The following TBC1D15 variants were observed in gnomAD, a reference collection of about 807,000 sequenced individuals.
TBC1D15 encodes TBC1 domain family member 15, also known as GAP for RAB7.
Under a neutral mutation model 95.4 loss-of-function variants are expected in TBC1D15, and 39 were observed. The observed-to-expected ratio is 0.41, with a 90% CI of 0.32 to 0.53. The LOEUF (loss-of-function observed/expected upper bound fraction) is 0.53. TBC1D15 is among the 20% of genes least tolerant of loss of function. TBC1D15 has a pLI of 0.29. For missense variants in TBC1D15, 733 were observed against 794.3 expected, an observed-to-expected ratio of 0.92 and a Z score of 0.93; for synonymous variants, 258 against 261.3, an observed-to-expected ratio of 0.99 and a Z score of 0.12.
At chr12:71,911,356 A>G (rs1200371296) in intron 11 of TBC1D15, among the ~76,000 whole-genome samples, 1 of 152,098 alleles carries the variant, frequency 6.6e-6, no homozygotes, top group African/African-American at 2.4e-5. Flanking sequence ...CACAATAGCA[A>G]AGACTTGGAA....
chr12:71,897,194 A>G (rs1898363141), intron 9 of TBC1D15: 1 of 155,136 alleles, frequency 6.4e-6, no homozygotes, highest in African/African-American at 2.4e-5. Context: ...CTTTTCTGAT[A>G]CTCTTATAAT....
chr12:71,917,998 GA>G (rs1046085546), intron 13 of TBC1D15, among the ~76,000 whole-genome samples: 2 of 150,770 alleles, frequency 1.3e-5, no homozygotes, highest in South Asian at 2.1e-4. Context: ...TCTCTACAAG[GA>G]AAAAAAAATG....
intron 1 of TBC1D15, among the ~76,000 whole-genome samples, chr12:71,847,866 G>A (rs1886733845): frequency 6.6e-6 from 1 of 152,122 alleles, no homozygotes; most frequent in African/African-American, 2.4e-5. Context: ...GGGAGGCCGA[G>A]GTGGGTGGAT....
chr12:71,896,579 C>T (rs1249098997), intron 8 of TBC1D15, 98 bp from the exon 9 acceptor site: 2 of 932,254 alleles, frequency 2.1e-6, no homozygotes, highest in Non-Finnish European at 3.3e-6. Flanking sequence ...ATGAAACTAC[C>T]TCTTAAAGAT....
chr12:71,915,447 C>T (rs1288784127), intron 12 of TBC1D15, among the ~76,000 whole-genome samples: 1 of 77,928 alleles, frequency 1.3e-5, no homozygotes, highest in Admixed American at 1.3e-4. Context: ...AGTAGATATT[C>T]TAAAAAAAAA....
At chr12:71,877,619 T>C (rs1003032944) in intron 3 of TBC1D15, among the ~76,000 whole-genome samples, 2 of 151,758 alleles carry the variant, frequency 1.3e-5, no homozygotes, top group African/African-American at 4.8e-5. Flanking sequence ...TCTAGGAAAT[T>C]CACTTTTCTA....
chr12:71,888,119 C>T (rs974888299), intron 5 of TBC1D15, among the ~76,000 whole-genome samples: 2 of 152,092 alleles, frequency 1.3e-5, no homozygotes, highest in Admixed American at 6.6e-5. Context: ...GTGTGTTGTT[C>T]ATGTTTCGTG....
At chr12:71,886,280 T>C (rs1566012096) in intron 5 of TBC1D15, among the ~76,000 whole-genome samples, 1 of 152,170 alleles carries the variant, frequency 6.6e-6, no homozygotes, top group Non-Finnish European at 1.5e-5. Flanking sequence ...ACAGTTCTCC[T>C]ACCTTAGCCT....
chr12:71,910,259 CT>C (rs1424072309), intron 11 of TBC1D15, among the ~76,000 whole-genome samples: 1 of 151,802 alleles, frequency 6.6e-6, no homozygotes, highest in African/African-American at 2.4e-5. Flanking sequence ...GTTTTGGTTA[CT>C]GTAGCCTTGT....
intron 10 of TBC1D15, among the ~76,000 whole-genome samples, chr12:71,905,107 A>G (rs952500890): frequency 5.3e-5 from 8 of 152,172 alleles, no homozygotes; most frequent in African/African-American, 1.7e-4. Context: ...ATTACTTTTT[A>G]TCCCTTTTCT....
chr12:71,877,035 C>G (rs963886826), intron 3 of TBC1D15, among the ~76,000 whole-genome samples: 1 of 151,690 alleles, frequency 6.6e-6, no homozygotes, highest in East Asian at 1.9e-4. Flanking sequence ...GGTCTCGAAT[C>G]CCTGACCTCA....
chr12:71,900,371 CATT>C (rs777779987), intron 10 of TBC1D15, among the ~76,000 whole-genome samples: 3 of 152,142 alleles, frequency 2.0e-5, no homozygotes, highest in East Asian at 1.9e-4. Context: ...TTTGGCAACA[CATT>C]AACCCATTTA....
intron 3 of TBC1D15, among the ~76,000 whole-genome samples, chr12:71,877,211 T>TG (rs35328541): frequency 0.096 from 12,692 of 131,700 alleles, 569 homozygotes; most frequent in South Asian, 0.15. Context: ...TGTGTGTGTG[T>TG]TTTTTTTTTT....
chr12:71,917,380 T>C (rs898447096), intron 12 of TBC1D15, among the ~76,000 whole-genome samples: 8 of 152,234 alleles, frequency 5.3e-5, no homozygotes, highest in African/African-American at 1.7e-4. Flanking sequence ...ATTTCCCAAA[T>C]GTGTGTTTCT....
intron 5 of TBC1D15, among the ~76,000 whole-genome samples, chr12:71,888,857 T>C (rs1592767316): frequency 8.3e-6 from 1 of 120,726 alleles, no homozygotes. Flanking sequence ...TTTTTTTTTT[T>C]TTTTCATTTA....
chr12:71,916,823 C>A (rs1903820123), intron 12 of TBC1D15, among the ~76,000 whole-genome samples: 1 of 152,052 alleles, frequency 6.6e-6, no homozygotes, highest in Non-Finnish European at 1.5e-5. Context: ...GCATATGAAC[C>A]CCAGCAGTTC....
chr12:71,859,206 T>C (rs913223254), intron 1 of TBC1D15, among the ~76,000 whole-genome samples: 1 of 152,176 alleles, frequency 6.6e-6, no homozygotes, highest in Admixed American at 6.5e-5. Context: ...TCCAGTAGCA[T>C]AGATTCAAGT....
At chr12:71,857,510 G>C (rs1889364772) in intron 1 of TBC1D15, among the ~76,000 whole-genome samples, 1 of 152,130 alleles carries the variant, frequency 6.6e-6, no homozygotes, top group Non-Finnish European at 1.5e-5. Flanking sequence ...GAGTAATTAA[G>C]AAATATCTTC....
intron 1 of TBC1D15, among the ~76,000 whole-genome samples, chr12:71,847,704 C>T (rs1886684023): frequency 6.6e-6 from 1 of 150,592 alleles, no homozygotes; most frequent in South Asian, 2.1e-4. Flanking sequence ...AAAAAAAAAC[C>T]CCACAAATAA....
Sources: allele counts gnomAD v4.1 joint callset (sites outside exome capture counted in the v4.1 genomes callset), GRCh38; gene constraint gnomAD v4.1.1; transcripts MANE v1.5; gene names NCBI Gene and HGNC (gene_info 2026-07-23, HGNC 2026-07-21).